Variants in FARP1 observed in about 807,000 individuals in gnomAD.
FARP1 encodes FERM, ARHGEF and pleckstrin domain-containing protein 1.
FARP1 carries 52 observed loss-of-function variants against 128.8 expected under a neutral mutation model. That is an observed-to-expected ratio of 0.40 (90% confidence interval 0.32 to 0.51). FARP1 has a LOEUF of 0.51. FARP1 is among the 20% of genes least tolerant of loss of function. The probability of loss-of-function intolerance (pLI) is 0.45; values close to 1 mark genes in which losing one functional copy is unlikely to be tolerated. For missense variants in FARP1, 1,333 were observed against 1,367.9 expected (o/e 0.97, Z 0.40); for synonymous variants, 580 against 551.8 (o/e 1.05, Z -0.72).
intron 1 of FARP1, among the ~76,000 whole-genome samples, chr13:98,207,960 ACACACACACT>A (rs1383216605): frequency 2.3e-4 from 33 of 145,110 alleles, no homozygotes; most frequent in Non-Finnish European, 4.3e-4. Context: ...ACACACACAC[ACACACACACT>A]TTGATTCATT....
chr13:98,435,867 C>G (rs753891395), intron 19 of FARP1, 161 bp downstream of exon 19: 1 of 772,678 alleles, frequency 1.3e-6, no homozygotes, highest in Non-Finnish European at 2.3e-6. Flanking sequence ...GTCGTTAGTT[C>G]AGAATCATTG....
At chr13:98,353,501 C>G (rs1888520299) in intron 3 of FARP1, among the ~76,000 whole-genome samples, 1 of 152,178 alleles carries the variant, frequency 6.6e-6, no homozygotes, top group South Asian at 2.1e-4. Context: ...GTCTCAGCCT[C>G]CCGAGTAGCT....
intron 2 of FARP1, among the ~76,000 whole-genome samples, chr13:98,235,245 C>T (rs1459371680): frequency 6.6e-6 from 1 of 152,072 alleles, no homozygotes; most frequent in Non-Finnish European, 1.5e-5. Context: ...CCAGGCAATA[C>T]CCCCAGAGCC....
chr13:98,235,258 A>T (rs1033324553), intron 2 of FARP1, among the ~76,000 whole-genome samples: 1 of 152,202 alleles, frequency 6.6e-6, no homozygotes, highest in African/African-American at 2.4e-5. Context: ...CCAGAGCCAC[A>T]TAAGTTTCAT....
At chr13:98,253,835 C>T (rs4772060) in intron 2 of FARP1, among the ~76,000 whole-genome samples, 172 of 152,064 alleles carry the variant, frequency 1.1e-3, no homozygotes, top group African/African-American at 3.8e-3. Flanking sequence ...TAATGAAGAG[C>T]GCCCTGGGTG....
chr13:98,249,195 T>C (rs1467572972), intron 2 of FARP1, among the ~76,000 whole-genome samples: 1 of 152,138 alleles, frequency 6.6e-6, no homozygotes, highest in Non-Finnish European at 1.5e-5. Context: ...ATCGACTGTA[T>C]TTCAACTAAG....
chr13:98,417,484 A>G (rs12868925), intron 16 of FARP1, among the ~76,000 whole-genome samples: 6,324 of 138,370 alleles, frequency 0.046, 254 homozygotes, highest in Non-Finnish European at 0.076. Context: ...AAAAAAAAAA[A>G]GAACACATGG....
Position 98,454,386 on chromosome 13 carries a change from G to C in FARP1, c.*6069G>C, listed in dbSNP as rs183791277. 6.6e-5 allele frequency: 10 copies of C among 152,332 alleles called. No homozygotes were observed. The highest frequency in any genetic ancestry group is 1.9e-4 in the East Asian group (1 of 5,188). 9.4% of individuals were successfully genotyped at this position (152,332 alleles called of 1,614,324 possible). On this transcript the variant is annotated 3_prime_UTR_variant, in exon 27 of 27. Transcript: ENST00000319562. ...AATCACAGGTCCAGGAGAGATGGCTGAGGATGTCTTTGACCAGGCTTATCT... is the reference window on the plus strand; with the variant it reads ...AATCACAGGTCCAGGAGAGATGGCTCAGGATGTCTTTGACCAGGCTTATCT...
At chr13:98,244,842 A>G (rs367883591) in intron 2 of FARP1, 1 of 1,464,282 alleles carries the variant, frequency 6.8e-7, no homozygotes. Flanking sequence ...AGGAGTAGAT[A>G]CAGATGTGAT....
intron 1 of FARP1, among the ~76,000 whole-genome samples, chr13:98,207,311 A>T (rs285107): frequency 2.0e-5 from 3 of 152,016 alleles, no homozygotes; most frequent in African/African-American, 7.2e-5. Flanking sequence ...GCTACCAAGT[A>T]TCTGTTAATG....
intron 1 of FARP1, among the ~76,000 whole-genome samples, chr13:98,190,733 GTT>G (rs5806053): frequency 4.7e-4 from 61 of 130,976 alleles, no homozygotes; most frequent in Non-Finnish European, 6.6e-4. Context: ...AGCTTTTTAA[GTT>G]TTTTTTTTTT....
chr13:98,366,444 C>T (rs975768355), intron 4 of FARP1, among the ~76,000 whole-genome samples: 17 of 152,128 alleles, frequency 1.1e-4, no homozygotes, highest in Admixed American at 3.3e-4. Flanking sequence ...GTGTTGGGGG[C>T]GAAGAGAAGC....
chr13:98,437,312 C>T (rs80338388), intron 19 of FARP1, among the ~76,000 whole-genome samples: 2,139 of 152,202 alleles, frequency 0.014, 52 homozygotes, highest in African/African-American at 0.048. Flanking sequence ...ACTGAAGGTG[C>T]AGGCTCACGT....
chr13:98,323,387 CT>C (rs71792049), intron 2 of FARP1, among the ~76,000 whole-genome samples: 2,392 of 133,398 alleles, frequency 0.018, 55 homozygotes, highest in African/African-American at 0.056. Flanking sequence ...ATTCACATGG[CT>C]TTTTTTTTTT....
intron 5 of FARP1, among the ~76,000 whole-genome samples, chr13:98,375,565 C>G (rs1889543995): frequency 6.6e-6 from 1 of 152,154 alleles, no homozygotes; most frequent in Non-Finnish European, 1.5e-5. Context: ...CTGGAATCTA[C>G]CATGTCTCCA....
At chr13:98,435,761 G>C in intron 19 of FARP1, 55 bp downstream of exon 19, 1 of 1,585,204 alleles carries the variant, frequency 6.3e-7, no homozygotes, top group South Asian at 1.1e-5. Context: ...GGAGGCATCG[G>C]AGGGACTTAC....
intron 2 of FARP1, among the ~76,000 whole-genome samples, chr13:98,308,880 G>C (rs536408291): frequency 2.0e-5 from 3 of 151,948 alleles, no homozygotes; most frequent in Admixed American, 2.0e-4. Context: ...GTTTCACCAC[G>C]TTGCCCAGGC....
intron 2 of FARP1, among the ~76,000 whole-genome samples, chr13:98,217,827 C>G (rs568457387): frequency 6.6e-6 from 1 of 152,222 alleles, no homozygotes; most frequent in Non-Finnish European, 1.5e-5. Flanking sequence ...TCATATCCTA[C>G]GCCGCAGCGG....
At chr13:98,187,615 T>C (rs3950015) in intron 1 of FARP1, among the ~76,000 whole-genome samples, 5,659 of 152,270 alleles carry the variant, frequency 0.037, 320 homozygotes, top group African/African-American at 0.13. Context: ...AAATAACTTA[T>C]TCAACTTCGT....
Sources: gnomAD v4.1 joint callset for allele counts (sites outside exome capture counted in the v4.1 genomes callset) on GRCh38, gnomAD v4.1.1 for gene constraint, MANE v1.5 for transcripts, NCBI Gene and HGNC (gene_info 2026-07-23, HGNC 2026-07-21) for gene names.